Variants in GOLGA1 observed in about 807,000 individuals in gnomAD.
GOLGA1 encodes the protein golgin A1, also known as golgin subfamily A member 1.
Under a neutral mutation model 119.7 loss-of-function variants are expected in GOLGA1, and 63 were observed. That is an observed-to-expected ratio of 0.53 (90% CI 0.43 to 0.65). The LOEUF is 0.65. GOLGA1 is among the 30% of genes least tolerant of loss of function. GOLGA1 has a pLI of 0.00. For missense variants in GOLGA1, 798 were observed against 912.8 expected (o/e 0.87, Z 1.62); for synonymous variants, 318 against 333.4 (o/e 0.95, Z 0.50).
intron 20 of GOLGA1, 132 bp downstream of exon 20, chr9:124,882,378 G>C: frequency 1.5e-6 from 1 of 680,374 alleles, no homozygotes; most frequent in Non-Finnish European, 2.6e-6. Context: ...ACGTTGGATT[G>C]CCCAGCGATC....
Position 124,889,417 on chromosome 9 carries a change from A to G in GOLGA1, c.1600+17T>C. On this transcript the variant is annotated intron_variant, in intron 17 of 22. Transcript: ENST00000373555. ...CCTGAAAAGGAGAGAAGGCTCAGCCAGGGACCGACTCCTCACCTCGCTCCA... is the reference window on the plus strand; with the variant it reads ...CCTGAAAAGGAGAGAAGGCTCAGCCGGGGACCGACTCCTCACCTCGCTCCA... 1 of 1,599,828 alleles carries G rather than the reference A, an allele frequency of 6.3e-7. No homozygotes were observed. Among genetic ancestry groups the G allele is most frequent in the Non-Finnish European group, 8.6e-7 (1 of 1,166,820 alleles).
intron 15 of GOLGA1, among the ~76,000 whole-genome samples, chr9:124,896,151 C>T (rs190549119): frequency 8.5e-5 from 13 of 152,290 alleles, no homozygotes; most frequent in East Asian, 5.8e-4. Context: ...TGGTGGCTCA[C>T]GCCTGTAATC....
upstream of GOLGA1, chr9:124,943,112 AC>A (rs1831085265): frequency 6.6e-6 from 1 of 152,276 alleles, no homozygotes; most frequent in African/African-American, 2.4e-5. Context: ...GAAGAAAAAA[AC>A]ATCCTGTTTA....
chr9:124,910,781 A>G (rs1199352541), intron 11 of GOLGA1, among the ~76,000 whole-genome samples: 1 of 152,086 alleles, frequency 6.6e-6, no homozygotes, highest in Admixed American at 6.5e-5. Flanking sequence ...CATGAACCCT[A>G]TTGTGAACTG....
At chr9:124,883,285 T>C (rs1304487389) in intron 19 of GOLGA1, among the ~76,000 whole-genome samples, 1 of 147,332 alleles carries the variant, frequency 6.8e-6, no homozygotes, top group African/African-American at 2.5e-5. Context: ...TTCTTCTTCT[T>C]CTCCTTCTTT....
chr9:124,882,566 T>C lies in GOLGA1; in HGVS notation c.1909A>G (p.Ile637Val), dbSNP rs781197612. The C allele has an allele frequency of 1.2e-6, 2 of 1,612,072 alleles. No homozygotes were observed. The highest frequency in any genetic ancestry group is 2.2e-5 in the South Asian group (2 of 91,010). Residue 637 changes from isoleucine to valine, a missense_variant, in exon 20 of 23, where the codon ATA (isoleucine) becomes GTA (valine). Physicochemically the swap from Ile to Val is conservative, Grantham distance 29. Coordinates refer to ENST00000373555, the MANE Select transcript of GOLGA1 (RefSeq NM_002077.4). ...EQQLLEKNKT[I>V]KQMQQRMLEL... ...AGCATCCGCTGCTGCATCTGCTTTA[T>C]GGTCTGCGACAAGCCCCACCCCACA...
chr9:124,929,166 C>A, intron 5 of GOLGA1, 50 bp downstream of exon 5: 1 of 1,135,684 alleles, frequency 8.8e-7, no homozygotes, highest in South Asian at 1.3e-5. Context: ...TGTTTCATTT[C>A]AAAAACTAAA....
intron 19 of GOLGA1, among the ~76,000 whole-genome samples, chr9:124,884,416 T>C (rs1300002515): frequency 6.6e-6 from 1 of 152,222 alleles, no homozygotes; most frequent in Admixed American, 6.5e-5. Context: ...TGGCTGGAAT[T>C]GTAAATACAT....
rs145880677 is a variant in GOLGA1 at position 124,922,423 on chromosome 9, C to T, written c.562-531G>A. 4.7e-3 allele frequency among the ~76,000 whole-genome samples: 686 copies of T among 146,368 alleles called. 5 individuals carry two copies. Among genetic ancestry groups the T allele is most frequent in the Admixed American group, 6.9e-3 (101 of 14,568 alleles). ...CAAAAATTAGCCGGGCATGGTAGTG[C>T]GCCTGTAGTCCCAGCTACTCGGGAG... On this transcript the variant is annotated intron_variant, in intron 8 of 22. Transcript: ENST00000373555.
intron 7 of GOLGA1, among the ~76,000 whole-genome samples, chr9:124,924,246 C>A (rs901809677): frequency 6.6e-6 from 1 of 151,816 alleles, no homozygotes; most frequent in African/African-American, 2.4e-5. Context: ...AAATTAAATG[C>A]ACGTAGATTA....
At chr9:124,916,267 T>C (rs577595311) in intron 10 of GOLGA1, among the ~76,000 whole-genome samples, 2 of 151,962 alleles carry the variant, frequency 1.3e-5, no homozygotes, top group Non-Finnish European at 2.9e-5. Flanking sequence ...GGAACTGCTA[T>C]CCAGTAGAGT....
At chr9:124,927,293 T>G (rs1432751212) in intron 6 of GOLGA1, among the ~76,000 whole-genome samples, 2 of 152,130 alleles carry the variant, frequency 1.3e-5, no homozygotes, top group African/African-American at 4.8e-5. Context: ...AACCATAAAA[T>G]AGTGGGAAAA....
chr9:124,901,718 A>G (rs1382446247), intron 12 of GOLGA1, among the ~76,000 whole-genome samples: 1 of 152,188 alleles, frequency 6.6e-6, no homozygotes, highest in Non-Finnish European at 1.5e-5. Context: ...TACAGGCATG[A>G]GCCACCGCAC....
chr9:124,939,652 T>C (rs1830960593), intron 2 of GOLGA1, among the ~76,000 whole-genome samples: 1 of 138,690 alleles, frequency 7.2e-6, no homozygotes, highest in Non-Finnish European at 1.5e-5. Context: ...AACCTCCACC[T>C]CCTGGGTTCA....
chr9:124,908,304 C>T, intron 12 of GOLGA1, 73 bp downstream of exon 12: 1 of 812,690 alleles, frequency 1.2e-6, no homozygotes, highest in South Asian at 1.4e-5. Flanking sequence ...CAAGAAGATT[C>T]TCAGTCACAC....
At chr9:124,897,483 G>A (rs1830006536) in intron 15 of GOLGA1, among the ~76,000 whole-genome samples, 1 of 152,086 alleles carries the variant, frequency 6.6e-6, no homozygotes, top group South Asian at 2.1e-4. Flanking sequence ...TGGGATTATA[G>A]GCGCACACCA....
At chr9:124,899,270 A>T in intron 14 of GOLGA1, 59 bp downstream of exon 14, 1 of 1,470,322 alleles carries the variant, frequency 6.8e-7, no homozygotes, top group Non-Finnish European at 9.2e-7. Context: ...CACGAGGCTG[A>T]CTTCGCTGTG....
In GOLGA1 at chr9:124,888,130, G is replaced by C; in HGVS notation, c.1905+123C>G. 2 of 832,048 alleles carry C rather than the reference G, an allele frequency of 2.4e-6. No homozygotes were observed. Among genetic ancestry groups the C allele is most frequent in the Non-Finnish European group, 4.1e-6 (2 of 493,454 alleles). The allele number at this position is 832,048 out of a possible 1,614,324, so 51.5% of individuals were successfully genotyped here. A position where few individuals can be genotyped will look rare whatever the true frequency, so the allele number is the denominator to read the frequency against. On this transcript the variant is annotated intron_variant, in intron 19 of 22. Transcript: ENST00000373555. This position sits in a 1 kb window ranked among gnomAD's most constrained non-coding sequence, Gnocchi z 4.4. ...AGGAGGAAGGCCTTTGGGTGAGAGG[G>C]GTCATGGTTGCCAGGAGGTGCGGGG...
intron 14 of GOLGA1, 48 bp from the exon 15 acceptor site, chr9:124,898,692 T>A (rs1488477368): frequency 9.1e-7 from 1 of 1,102,228 alleles, no homozygotes; most frequent in South Asian, 1.3e-5. Flanking sequence ...ACTACCATAT[T>A]TCCCTGGGCA....
Sources: gnomAD v4.1 joint callset for allele counts (sites outside exome capture counted in the v4.1 genomes callset) on GRCh38, gnomAD v4.1.1 for gene constraint, Gnocchi (gnomAD v3.1) non-coding constraint, MANE v1.5 for transcripts, NCBI Gene and HGNC (gene_info 2026-07-23, HGNC 2026-07-21) for gene names.